ZNF236: variants seen among roughly 807,000 people sequenced by gnomAD.
ZNF236 encodes the protein regulated by glucose.
A neutral mutation model predicts 191.2 loss-of-function variants in ZNF236; 50 were observed. The ratio of observed to expected loss-of-function variants is 0.26; its 90% CI spans 0.21 to 0.33. ZNF236 has a LOEUF of 0.33. Among genes scored for constraint, ZNF236 ranks in the 10% least tolerant of loss-of-function variants. The pLI is 1.00. For synonymous variants in ZNF236, 907 were observed against 928.8 expected (o/e 0.98, Z 0.43); for missense variants, 1,754 against 2,374.5 (o/e 0.74, Z 5.43).
At chr18:76,892,073 G>A (rs1168364500) in intron 9 of ZNF236, among the ~76,000 whole-genome samples, 1 of 145,434 alleles carries the variant, frequency 6.9e-6, no homozygotes, top group Non-Finnish European at 1.5e-5. Context: ...GAGAATTGAT[G>A]TCTTTGTAAC....
intron 25 of ZNF236, among the ~76,000 whole-genome samples, chr18:76,936,605 A>G (rs1482939250): frequency 5.3e-5 from 8 of 152,250 alleles, no homozygotes; most frequent in Non-Finnish European, 1.0e-4. Flanking sequence ...GTCTTTTAGA[A>G]TAAGAATCAG....
intron 17 of ZNF236, among the ~76,000 whole-genome samples, chr18:76,913,532 T>C (rs1369889573): frequency 6.6e-6 from 1 of 152,274 alleles, no homozygotes; most frequent in Non-Finnish European, 1.5e-5. Context: ...GTAAATACTC[T>C]AAGCAGAATT....
intron 1 of ZNF236, among the ~76,000 whole-genome samples, chr18:76,826,628 TA>T (rs778196167): frequency 4.4e-3 from 616 of 139,358 alleles, no homozygotes; most frequent in Admixed American, 5.0e-3. Flanking sequence ...CCAGCCGTAC[TA>T]AAAAAAAAAA....
chr18:76,930,907 C>T (rs1219483904), intron 25 of ZNF236, among the ~76,000 whole-genome samples: 1 of 152,148 alleles, frequency 6.6e-6, no homozygotes, highest in Non-Finnish European at 1.5e-5. Flanking sequence ...CAAATACTGT[C>T]ATTTAGGGAA....
chr18:76,914,643 G>A (rs1489507445), intron 18 of ZNF236, among the ~76,000 whole-genome samples: 1 of 152,036 alleles, frequency 6.6e-6, no homozygotes, highest in Non-Finnish European at 1.5e-5. Flanking sequence ...GCATTTCTTC[G>A]ATGGCTAATC....
chr18:76,969,089 C>A lies in ZNF236; in HGVS notation c.*750C>A. On this transcript the variant is annotated 3_prime_UTR_variant, in exon 31 of 31. Transcript: ENST00000320610. The stretch of plus-strand genomic sequence containing the variant: ...GTTCAGGTCCAGGGTTACATAATTG[C>A]AGAAGCACAAGCCATACATCGCAGG... 1 of 648,420 alleles carries A rather than the reference C, an allele frequency of 1.5e-6. No homozygotes were observed. The highest frequency in any genetic ancestry group is 1.9e-6 in the Non-Finnish European group (1 of 521,492). 40.2% of individuals were successfully genotyped at this position (648,420 alleles called of 1,614,324 possible).
At chr18:76,909,016 G>A (rs59316803) in intron 14 of ZNF236, among the ~76,000 whole-genome samples, 4,019 of 149,378 alleles carry the variant, frequency 0.027, 163 homozygotes, top group African/African-American at 0.089. Context: ...TTTGGTATGC[G>A]TATATAATTA....
Position 76,912,259 on chromosome 18 carries a change from C to A in ZNF236, c.2821C>A (p.Gln941Lys). The change falls in exon 17 of 31, where the codon CAG becomes AAG. Residue 941 changes from glutamine (Q) to lysine (K), a missense_variant. Physicochemically the swap from Gln to Lys is moderately conservative, Grantham distance 53. Coordinates refer to ENST00000320610, the MANE Select transcript of ZNF236 (RefSeq NM_001306089.2). ...DGMNVTTRLI[Q>K]ESSQEELDLQ... is the part of the protein sequence containing the mutation. ...TAAATTTTAGACAACTCGCTTGATTCAGGAGTCATCCCAAGAGGAACTGGA... is the reference window on the plus strand; with the variant it reads ...TAAATTTTAGACAACTCGCTTGATTAAGGAGTCATCCCAAGAGGAACTGGA... 6.2e-7 allele frequency: 1 copy of A among 1,613,986 alleles called. No homozygotes were observed. The highest frequency in any genetic ancestry group is 1.1e-5 in the South Asian group (1 of 91,066).
intron 1 of ZNF236, chr18:76,824,246 C>T (rs553130213): frequency 1.3e-6 from 1 of 772,418 alleles, no homozygotes; most frequent in South Asian, 1.4e-5. Context: ...TATTCATAGG[C>T]CACACCAAAC....
chr18:76,887,371 C>CTAAA (rs61702186), intron 9 of ZNF236: 52,366 of 149,332 alleles, frequency 0.35, 9,427 homozygotes, highest in East Asian at 0.51. Flanking sequence ...GACTCCATGT[C>CTAAA]TAAATAAATA....
rs1195821183 is a variant in ZNF236 at position 76,927,696 on chromosome 18, A to G, written c.4414+179A>G. On this transcript the variant is annotated intron_variant, in intron 24 of 30. Coordinates refer to ENST00000320610, the MANE Select transcript of ZNF236 (RefSeq NM_001306089.2). This position sits in a 1 kb window ranked among gnomAD's most constrained non-coding sequence, Gnocchi z 5.4. Reference sequence around the variant, plus strand: ...ACAATTAATGATATGTATTTAATATATGCTCTTAGATTATTACTACCTTCA... The same window carrying G: ...ACAATTAATGATATGTATTTAATATGTGCTCTTAGATTATTACTACCTTCA... Among the ~76,000 whole-genome samples, 2 of 152,160 alleles carry G rather than the reference A, an allele frequency of 1.3e-5. No individual in the cohort carries two copies. The highest frequency in any genetic ancestry group is 2.4e-5 in the African/African-American group (1 of 41,434).
rs974010557 is a variant in ZNF236, at chr18:76,875,019, A to G, written c.668-473A>G. On this transcript the variant is annotated intron_variant, in intron 5 of 30. Coordinates refer to ENST00000320610, the MANE Select transcript of ZNF236 (RefSeq NM_001306089.2). This position sits in a 1 kb window ranked among gnomAD's most constrained non-coding sequence, Gnocchi z 4.3. ...TCATTTTGTCTGTTGTTTTGAGAGC[A>G]GCCTAGGAAGGGGCCAGGGTGGAAG... 6.6e-6 allele frequency among the ~76,000 whole-genome samples: 1 copy of G among 152,204 alleles called. No homozygotes were observed. The highest frequency in any genetic ancestry group is 2.4e-5 in the African/African-American group (1 of 41,452).
chr18:76,945,928 C>G (rs771451992), intron 26 of ZNF236, among the ~76,000 whole-genome samples: 6 of 152,168 alleles, frequency 3.9e-5, no homozygotes, highest in Non-Finnish European at 8.8e-5. Context: ...GTTAGAAGCT[C>G]TCTTTCTCTG....
chr18:76,875,673 G>A lies in ZNF236; in HGVS notation c.840+9G>A, dbSNP rs372130430. 36 of 1,546,232 alleles carry A rather than the reference G, an allele frequency of 2.3e-5. No individual in the cohort carries two copies. Among genetic ancestry groups the A allele is most frequent in the African/African-American group, 4.1e-5 (3 of 73,000 alleles). On this transcript the variant is annotated intron_variant, in intron 6 of 30. Transcript: ENST00000320610. This position sits in a 1 kb window ranked among gnomAD's most constrained non-coding sequence, Gnocchi z 4.3. ...AGCGAGTCCACTCAGAGGTAAACAC[G>A]GGTTGGGGGCATAAGCGGTATTTCA...
chr18:76,836,739 G>C (rs1341276475), intron 1 of ZNF236, among the ~76,000 whole-genome samples: 1 of 151,994 alleles, frequency 6.6e-6, no homozygotes, highest in Non-Finnish European at 1.5e-5. Context: ...CACCACGCCT[G>C]GCTAATTTTT....
At chr18:76,848,059 C>T (rs762806996) in intron 1 of ZNF236, among the ~76,000 whole-genome samples, 4 of 152,128 alleles carry the variant, frequency 2.6e-5, no homozygotes, top group African/African-American at 4.8e-5. Context: ...GTCTCTGTGC[C>T]CCTCCCATGT....
At chr18:76,837,127 T>TCCCCCCCCCCCCCCCCCCCCCCCC (rs57114708) in intron 1 of ZNF236, among the ~76,000 whole-genome samples, 2 of 37,066 alleles carry the variant, frequency 5.4e-5, no homozygotes, top group African/African-American at 1.1e-4. Context: ...CCGCACCCCC[T>TCCCCCCCCCCCCCCCCCCCCCCCC]CCCCCCCCCC....
chr18:76,908,204 T>C (rs958623037), intron 13 of ZNF236, 116 bp from the exon 14 acceptor site: 3 of 1,366,980 alleles, frequency 2.2e-6, no homozygotes, highest in Admixed American at 4.5e-5. Context: ...GACTTCAAAA[T>C]GAAATCATTA....
At chr18:76,936,525 G>A (rs1968004707) in intron 25 of ZNF236, 1 of 421,160 alleles carries the variant, frequency 2.4e-6, no homozygotes, top group South Asian at 1.7e-5. Flanking sequence ...TGTCTTTTCT[G>A]AAGAAAATTA....
Sources: gnomAD v4.1 joint callset for allele counts (sites outside exome capture counted in the v4.1 genomes callset) on GRCh38, gnomAD v4.1.1 for gene constraint, Gnocchi (gnomAD v3.1) non-coding constraint, MANE v1.5 for transcripts, NCBI Gene and HGNC (gene_info 2026-07-23, HGNC 2026-07-21) for gene names.